MACROD2: variants seen among roughly 807,000 people sequenced by gnomAD.
The protein encoded by MACROD2 is ADP-ribose glycohydrolase MACROD2.
A neutral mutation model predicts 70.4 loss-of-function variants in MACROD2; 36 were observed. That is an observed-to-expected ratio of 0.51 (90% CI 0.39 to 0.68). The LOEUF is 0.68. MACROD2 is among the 30% of genes least tolerant of loss of function. MACROD2 has a pLI of 0.00. For synonymous variants in MACROD2, 172 were observed against 178.8 expected, an observed-to-expected ratio of 0.96 and a Z score of 0.30; for missense variants, 496 against 538.4, an observed-to-expected ratio of 0.92 and a Z score of 0.78.
At chr20:14,128,944 T>C (rs1601255315) in intron 3 of MACROD2, among the ~76,000 whole-genome samples, 1 of 152,246 alleles carries the variant, frequency 6.6e-6, no homozygotes, top group African/African-American at 2.4e-5. Flanking sequence ...ATATTACTTT[T>C]CATTGACATT....
intron 5 of MACROD2, among the ~76,000 whole-genome samples, chr20:15,060,718 C>G (rs543521571): frequency 6.6e-6 from 1 of 152,300 alleles, no homozygotes; most frequent in African/African-American, 2.4e-5. Context: ...CATCAAAGTT[C>G]TCATTTAGAA....
intron 5 of MACROD2, among the ~76,000 whole-genome samples, chr20:15,057,993 T>C (rs935685966): frequency 6.6e-6 from 1 of 152,192 alleles, no homozygotes; most frequent in Non-Finnish European, 1.5e-5. Flanking sequence ...ACAATCATGG[T>C]CTCAATTTAG....
At chr20:14,894,027 C>G (rs1297752188) in intron 5 of MACROD2, 1 of 152,104 alleles carries the variant, frequency 6.6e-6, no homozygotes, top group Non-Finnish European at 1.5e-5. Context: ...CTCAAGCAAT[C>G]CTCTTGCCTT....
chr20:15,727,008 C>T (rs781113435), intron 8 of MACROD2, among the ~76,000 whole-genome samples: 36 of 152,010 alleles, frequency 2.4e-4, no homozygotes, highest in Non-Finnish European at 5.0e-4. Context: ...TTTGTCAGGG[C>T]CTATGTCCAA....
chr20:14,465,160 G>T (rs1317387454), intron 3 of MACROD2, among the ~76,000 whole-genome samples: 1 of 152,020 alleles, frequency 6.6e-6, no homozygotes, highest in East Asian at 1.9e-4. Context: ...TTATTAATGT[G>T]TGGGAGTCTA....
At chr20:14,385,481 T>A (rs536143283) in intron 3 of MACROD2, among the ~76,000 whole-genome samples, 1 of 152,272 alleles carries the variant, frequency 6.6e-6, no homozygotes, top group Admixed American at 6.5e-5. Flanking sequence ...AATGGACCAG[T>A]TTAATGCTTA....
intron 8 of MACROD2, among the ~76,000 whole-genome samples, chr20:15,601,320 C>T (rs1412319702): frequency 2.6e-5 from 4 of 152,278 alleles, no homozygotes; most frequent in African/African-American, 7.2e-5. Context: ...TTCTTTCTTT[C>T]CTTCTGCAGA....
intron 8 of MACROD2, among the ~76,000 whole-genome samples, chr20:15,830,312 T>C (rs1033144676): frequency 5.8e-4 from 89 of 152,214 alleles, no homozygotes; most frequent in African/African-American, 1.9e-3. Context: ...ATAGGATAAG[T>C]AAGTGAAAAC....
intron 2 of MACROD2, among the ~76,000 whole-genome samples, chr20:14,007,222 T>C (rs1291580554): frequency 1.3e-5 from 2 of 152,228 alleles, no homozygotes; most frequent in Admixed American, 1.3e-4. Flanking sequence ...TCTTTTATTA[T>C]GCAGTACGGT....
chr20:14,965,496 A>G (rs2074626877), intron 5 of MACROD2, among the ~76,000 whole-genome samples: 1 of 110,918 alleles, frequency 9.0e-6, no homozygotes, highest in South Asian at 2.9e-4. Flanking sequence ...AGTCTCTCTC[A>G]GTCCCCCAGG....
At chr20:14,725,898 G>A (rs547504748) in intron 5 of MACROD2, among the ~76,000 whole-genome samples, 89 of 152,266 alleles carry the variant, frequency 5.8e-4, no homozygotes, top group African/African-American at 2.0e-3. Context: ...GATGCTGTTT[G>A]CACAGGAAAC....
chr20:15,744,484 G>T (rs1032141313), intron 8 of MACROD2, among the ~76,000 whole-genome samples: 1 of 152,130 alleles, frequency 6.6e-6, no homozygotes, highest in Non-Finnish European at 1.5e-5. Context: ...TGTACTTGCA[G>T]TTACCAAATT....
At position 15,189,244 on chromosome 20, in the gene MACROD2, ATTT is replaced by A. The variant is rs760108211; in HGVS notation, c.419-40684_419-40682del. 2.5e-3 allele frequency among the ~76,000 whole-genome samples: 349 copies of A among 141,386 alleles called. 1 individual carries two copies. Among genetic ancestry groups the A allele is most frequent in the African/African-American group, 8.6e-3 (336 of 38,956 alleles). 92.8% of individuals were successfully genotyped at this position (141,386 alleles called of 152,430 possible). ...ATGAACAGGGCAGAAACCAGGACTT[ATTT>A]TTTTTTTTTTTCCATGACCAACATA... is the stretch of plus-strand genomic sequence containing the variant. On this transcript the variant is annotated intron_variant, in intron 5 of 17. Transcript: ENST00000684519.
At chr20:14,325,929 A>G in intron 3 of MACROD2, 1 of 1,613,910 alleles carries the variant, frequency 6.2e-7, no homozygotes, top group Non-Finnish European at 8.5e-7. Context: ...CCAAAGGTAA[A>G]TTGGGGTTTT....
At position 14,052,737 on chromosome 20, in the gene MACROD2, A is replaced by G. The variant is rs185081902; in HGVS notation, c.164-32884A>G. Among the ~76,000 whole-genome samples the G allele has an allele frequency of 6.6e-3, 1,008 of 152,226 alleles. 8 individuals are homozygous for G. The highest frequency in any genetic ancestry group is 0.017 in the Middle Eastern group (5 of 294). ...CAAACCATATGTCAGGGAATTTCTC[A>G]GAGGTTTTCTAAGAAATTCTTTTAT... On this transcript the variant is annotated intron_variant, in intron 2 of 17. Coordinates refer to ENST00000684519, the MANE Select transcript of MACROD2 (RefSeq NM_001351661.2).
chr20:15,228,241 A>T (rs529410246), intron 5 of MACROD2, among the ~76,000 whole-genome samples: 3 of 152,170 alleles, frequency 2.0e-5, no homozygotes, highest in Admixed American at 6.5e-5. Context: ...TCTATATTGT[A>T]GTGGTTCTCA....
chr20:15,968,781 ATAT>A (rs1274139121), intron 13 of MACROD2, among the ~76,000 whole-genome samples: 13 of 141,516 alleles, frequency 9.2e-5, no homozygotes, highest in Non-Finnish European at 7.6e-5. Flanking sequence ...TAAACATATA[ATAT>A]TATATATTAT....
intron 8 of MACROD2, among the ~76,000 whole-genome samples, chr20:15,582,094 C>T (rs1314809732): frequency 1.3e-5 from 2 of 151,510 alleles, no homozygotes; most frequent in Admixed American, 6.6e-5. Flanking sequence ...TGCACTCCAG[C>T]CTGGGCGACA....
At chr20:14,944,254 C>T (rs2074412393) in intron 5 of MACROD2, among the ~76,000 whole-genome samples, 1 of 152,002 alleles carries the variant, frequency 6.6e-6, no homozygotes, top group Non-Finnish European at 1.5e-5. Context: ...CTGGGGAAGG[C>T]AAGGAGAGTG....
Sources: allele counts gnomAD v4.1 joint callset (sites outside exome capture counted in the v4.1 genomes callset), GRCh38; gene constraint gnomAD v4.1.1; transcripts MANE v1.5; gene names NCBI Gene and HGNC (gene_info 2026-07-23, HGNC 2026-07-21).